Variants in TLE3 observed in about 807,000 individuals in gnomAD.
TLE3 encodes TLE family member 3, transcriptional corepressor.
TLE3 carries 14 observed loss-of-function variants against 93.0 expected under a neutral mutation model. That is an observed-to-expected ratio of 0.15 (90% CI 0.10 to 0.24). The LOEUF is 0.24. Ranked by LOEUF, TLE3 falls within the 10% of genes least tolerant of loss-of-function variation. The pLI is 1.00. For synonymous variants in TLE3, 451 were observed against 425.0 expected, an observed-to-expected ratio of 1.06 and a Z score of -0.75; for missense variants, 693 against 1,046.6, an observed-to-expected ratio of 0.66 and a Z score of 4.66.
intron 8 of TLE3, among the ~76,000 whole-genome samples, chr15:70,061,356 G>A (rs1380385025): frequency 6.6e-6 from 1 of 152,140 alleles, no homozygotes; most frequent in Non-Finnish European, 1.5e-5. Context: ...CCATCACCAA[G>A]TGGAGACCCC....
Position 70,097,265 on chromosome 15 carries a change from G to T in TLE3, c.-467C>A. The stretch of plus-strand genomic sequence containing the variant: ...CGCGCCGGGGCAGCCCCAAGCATCC[G>T]GGGCGCGCGGGTCCGATCCTAGAGG... On this transcript the variant is annotated 5_prime_UTR_variant, in exon 1 of 20. Coordinates refer to ENST00000451782, the MANE Select transcript of TLE3 (RefSeq NM_001105192.3). The T allele has an allele frequency of 2.5e-6, 1 of 400,512 alleles. No individual in the cohort carries two copies. Among genetic ancestry groups the T allele is most frequent in the South Asian group, 1.2e-4 (1 of 8,538 alleles). The allele number at this position is 400,512 out of a possible 1,614,324, so 24.8% of individuals were successfully genotyped here. A position where few individuals can be genotyped will look rare whatever the true frequency, so the allele number is the denominator to read the frequency against.
rs760714245 is a variant in TLE3 at position 70,056,370 on chromosome 15, C to T, written c.1256G>A (p.Gly419Asp). ...CCGCATCGGGGGGTGAGGGTCAAAA[C>T]CAACCTGTAAAGCAAGGCAAGACAG... ...RSPMVSFGAV[G>D]FDPHPPMRAT... Residue 419 changes from glycine (G) to aspartate (D), a missense_variant, in exon 14 of 20, where the codon GGT (glycine) becomes GAT (aspartate). Transcript: ENST00000451782. 1 of 1,612,920 alleles carries T rather than the reference C, an allele frequency of 6.2e-7. No individual in the cohort carries two copies. Among genetic ancestry groups the T allele is most frequent in the South Asian group, 1.1e-5 (1 of 91,074 alleles).
chr15:70,055,340 C>A (rs1176816724), intron 14 of TLE3, 42 bp from the exon 15 acceptor site: 4 of 1,535,722 alleles, frequency 2.6e-6, no homozygotes, highest in Admixed American at 1.8e-5. Flanking sequence ...TCCACCCCGG[C>A]CCCTCAGAGT....
At chr15:70,065,941 A>G (rs2056785488) in intron 7 of TLE3, 73 bp downstream of exon 7, 4 of 1,456,754 alleles carry the variant, frequency 2.7e-6, no homozygotes, top group Non-Finnish European at 3.8e-6. Context: ...TGCTGGGTCC[A>G]CTCACTGTGA....
intron 4 of TLE3, among the ~76,000 whole-genome samples, chr15:70,078,932 T>C (rs140136245): frequency 6.6e-6 from 1 of 151,630 alleles, no homozygotes; most frequent in African/African-American, 2.4e-5. Context: ...GTCTCGGGAG[T>C]TGACAAAAAA....
At chr15:70,057,353 C>T in intron 13 of TLE3, 106 bp downstream of exon 13, 1 of 1,341,532 alleles carries the variant, frequency 7.5e-7, no homozygotes, top group Non-Finnish European at 1.0e-6. Flanking sequence ...GCTGCCTGGC[C>T]TTGAGACCCT....
rs945945023 is a variant in TLE3 at position 70,095,560 on chromosome 15, C to A, written c.189+18G>T. On this transcript the variant is annotated intron_variant, in intron 3 of 19. Transcript: ENST00000451782. ...GTCGGCGCCCCAACCGCCCCCCAGG[C>A]CCGCGGCCGCATCTCACCATCACAT... 6.5e-7 allele frequency: 1 copy of A among 1,549,992 alleles called. No individual in the cohort carries two copies. Among genetic ancestry groups the A allele is most frequent in the Non-Finnish European group, 8.7e-7 (1 of 1,146,076 alleles).
At chr15:70,096,622 G>A in intron 1 of TLE3, 153 bp downstream of exon 1, 2 of 1,544,378 alleles carry the variant, frequency 1.3e-6, no homozygotes, top group Middle Eastern at 1.7e-4. Context: ...TCTCTCAACG[G>A]CGCCCCCCGG....
intron 15 of TLE3, 172 bp from the exon 16 acceptor site, chr15:70,054,857 A>T: frequency 3.3e-6 from 4 of 1,226,254 alleles, no homozygotes; most frequent in African/African-American, 1.5e-5. Context: ...TTGATCTTTC[A>T]TGAATACCAG....
chr15:70,050,034 G>T lies in TLE3; in HGVS notation c.*63C>A. 1 of 1,460,030 alleles carries T rather than the reference G, an allele frequency of 6.8e-7. No homozygotes were observed. Among genetic ancestry groups the T allele is most frequent in the Non-Finnish European group, 9.6e-7 (1 of 1,042,526 alleles). 90.4% of individuals were successfully genotyped at this position (1,460,030 alleles called of 1,614,324 possible). On this transcript the variant is annotated 3_prime_UTR_variant, in exon 20 of 20. Transcript: ENST00000451782. Reference sequence around the variant, plus strand: ...CCATCCTCGGGGCCCCTCGCCTGGGGGTCTCCCTGTCAGAGCCGAGTCGGT... The same window carrying T: ...CCATCCTCGGGGCCCCTCGCCTGGGTGTCTCCCTGTCAGAGCCGAGTCGGT...
intron 4 of TLE3, chr15:70,079,515 A>G (rs545206169): frequency 2.2e-6 from 1 of 447,128 alleles, no homozygotes; most frequent in East Asian, 7.6e-5. Flanking sequence ...CTGTGCCATC[A>G]TCTGCTAGTA....
intron 4 of TLE3, among the ~76,000 whole-genome samples, chr15:70,094,137 A>AAAAAAAAAGGAGAAAG (rs1328539322): frequency 1.7e-4 from 25 of 144,250 alleles, no homozygotes; most frequent in African/African-American, 7.0e-4. Context: ...CTGCAAAAAG[A>AAAAAAAAAGGAGAAAG]AAAAAAAAAG....
At chr15:70,053,546 T>G in intron 16 of TLE3, 172 bp from the exon 17 acceptor site, 1 of 665,630 alleles carries the variant, frequency 1.5e-6, no homozygotes. Context: ...TCTTTCCAGT[T>G]CCAGGCCTCT....
At position 70,054,576 on chromosome 15, in the gene TLE3, G is replaced by T; in HGVS notation, c.1688C>A (p.Pro563His). The change falls in exon 16 of 20, where the codon CCC becomes CAC. Residue 563 changes from proline to histidine, a missense_variant. Transcript: ENST00000451782. ...LTIWDLASPT[P>H]RIKAELTSSA... ...GGACGTCAGCTCGGCCTTGATGCGG[G>T]GCGTGGGCGAGGCCAGGTCCCAGAT... The T allele has an allele frequency of 6.2e-7, 1 of 1,613,828 alleles. No individual in the cohort carries two copies. The highest frequency in any genetic ancestry group is 8.5e-7 in the Non-Finnish European group (1 of 1,179,820).
At chr15:70,096,283 CAG>C (rs2058556068) in intron 1 of TLE3, 22 bp from the exon 2 acceptor site, 3 of 1,550,316 alleles carry the variant, frequency 1.9e-6, no homozygotes, top group African/African-American at 2.7e-5. Context: ...GAAGACAAGA[CAG>C]GGGAGGGGGC....
At chr15:70,089,375 C>A (rs968867747) in intron 4 of TLE3, among the ~76,000 whole-genome samples, 21 of 152,348 alleles carry the variant, frequency 1.4e-4, no homozygotes, top group Admixed American at 1.3e-3. Context: ...CCAACCCCAG[C>A]CCACACCCAG....
rs980844974 is a variant in TLE3 at position 70,095,862 on chromosome 15, C to G, written c.126-221G>C. 14 of 644,536 alleles carry G rather than the reference C, an allele frequency of 2.2e-5. No individual in the cohort carries two copies. In the African/African-American group the frequency reaches 2.6e-4, roughly 12 times the overall value. The allele number at this position is 644,536 out of a possible 1,614,324, so 39.9% of individuals were successfully genotyped here. ...TTCCCGCGAGCCAAAGGACTTATCA[C>G]GGCAGCAGGGGAGTAGGACCCTGAC... On this transcript the variant is annotated intron_variant, in intron 2 of 19. Coordinates refer to ENST00000451782, the MANE Select transcript of TLE3 (RefSeq NM_001105192.3).
rs761371149 is a variant in TLE3, at chr15:70,074,522, A to T, written c.372+11T>A. On this transcript the variant is annotated intron_variant, in intron 6 of 19. Coordinates refer to ENST00000451782, the MANE Select transcript of TLE3 (RefSeq NM_001105192.3). ...ACACACGGTAAGAGGCAGATTGGGG[A>T]GTCCACGTACCCCGATGATGGCGTT... is the stretch of plus-strand genomic sequence containing the variant. The T allele has an allele frequency of 3.1e-6, 5 of 1,610,242 alleles. No individual in the cohort carries two copies. The highest frequency in any genetic ancestry group is 4.2e-6 in the Non-Finnish European group (5 of 1,178,214).
At position 70,097,338 on chromosome 15, in the gene TLE3, G is replaced by A. The variant is rs1049201416; in HGVS notation, c.-540C>T. On this transcript the variant is annotated 5_prime_UTR_variant, in exon 1 of 20. Coordinates refer to ENST00000451782, the MANE Select transcript of TLE3 (RefSeq NM_001105192.3). Reference sequence around the variant, plus strand: ...CGAGAAGAGGAAGGAGGCGGGCTACGAGGTGGTGGCTTGGGGCCGCAGGAG... The same window carrying A: ...CGAGAAGAGGAAGGAGGCGGGCTACAAGGTGGTGGCTTGGGGCCGCAGGAG... 2.3e-4 allele frequency: 93 copies of A among 403,260 alleles called. No individual in the cohort carries two copies. Among genetic ancestry groups the A allele is most frequent in the Non-Finnish European group, 2.3e-4 (52 of 229,328 alleles). 25.0% of individuals were successfully genotyped at this position (403,260 alleles called of 1,614,324 possible). A position where few individuals can be genotyped will look rare whatever the true frequency, so the allele number is the denominator to read the frequency against.
Sources: allele counts gnomAD v4.1 joint callset (sites outside exome capture counted in the v4.1 genomes callset), GRCh38; gene constraint gnomAD v4.1.1; transcripts MANE v1.5; gene names NCBI Gene and HGNC (gene_info 2026-07-23, HGNC 2026-07-21).